The following ITGAM variants were observed in gnomAD, a reference collection of about 807,000 sequenced individuals.
The protein encoded by ITGAM is integrin subunit alpha M, also known as integrin alpha-M.
A neutral mutation model predicts 137.5 loss-of-function variants in ITGAM; 79 were observed. That is an observed-to-expected ratio of 0.57 (90% CI 0.48 to 0.69). The LOEUF (loss-of-function observed/expected upper bound fraction) is 0.69, where lower values mean the gene tolerates loss of function less well. Ranked by LOEUF, ITGAM falls within the 30% of genes least tolerant of loss-of-function variation. The pLI, the probability that ITGAM is intolerant of heterozygous loss-of-function variation, is 0.00. For synonymous variants in ITGAM, 583 were observed against 592.3 expected (o/e 0.98, Z 0.23); for missense variants, 1,343 against 1,483.5 (o/e 0.91, Z 1.56).
chr16:31,274,941 C>T (rs559791689), intron 8 of ITGAM, among the ~76,000 whole-genome samples: 15 of 152,242 alleles, frequency 9.9e-5, no homozygotes, highest in African/African-American at 2.2e-4. Context: ...TTGTTTAAAA[C>T]GACCTTATCC....
At chr16:31,313,437 T>A (rs528766642) in intron 14 of ITGAM, among the ~76,000 whole-genome samples, 1 of 152,214 alleles carries the variant, frequency 6.6e-6, no homozygotes, top group African/African-American at 2.4e-5. Context: ...GTCCATGTAT[T>A]CTCATTGTTC....
At chr16:31,315,752 C>T (rs185290191) in intron 14 of ITGAM, among the ~76,000 whole-genome samples, 21 of 152,210 alleles carry the variant, frequency 1.4e-4, no homozygotes, top group Middle Eastern at 3.4e-3. Context: ...AGCCACTGCA[C>T]CCGGCCCAGC....
chr16:31,272,255 T>C (rs8061729), intron 7 of ITGAM, among the ~76,000 whole-genome samples: 59,144 of 149,754 alleles, frequency 0.39, 15,851 homozygotes, highest in African/African-American at 0.77. Flanking sequence ...CTTTACAGCC[T>C]GTGGTGAGAT....
Position 31,325,279 on chromosome 16 carries a change from G to A in ITGAM, c.2380G>A (p.Val794Met). ...TTCCCACAGCCTGGACTGCCTCGTG[G>A]TGGGTGGGCCCCGGGAGTTCAACGT... is the stretch of plus-strand genomic sequence containing the variant. The part of the protein sequence containing the change: ...FSFMSLDCLV[V>M]GGPREFNVTV... Residue 794 changes from valine to methionine, a missense_variant, in exon 20 of 30, where the codon GTG becomes ATG. Physicochemically the swap from Val to Met is conservative, Grantham distance 21. Transcript: ENST00000544665. The A allele has an allele frequency of 6.2e-7, 1 of 1,613,032 alleles. No homozygotes were observed. The highest frequency in any genetic ancestry group is 1.3e-5 in the African/African-American group (1 of 75,032).
chr16:31,326,608 G>A (rs918238383), intron 21 of ITGAM, among the ~76,000 whole-genome samples: 7 of 152,068 alleles, frequency 4.6e-5, no homozygotes, highest in Non-Finnish European at 8.8e-5. Flanking sequence ...GTAGATACAG[G>A]GTTTTGCCAT....
intron 14 of ITGAM, among the ~76,000 whole-genome samples, chr16:31,302,471 CTTTCTTTCTTTCT>C (rs1282124974): frequency 0.01 from 921 of 88,552 alleles, 28 homozygotes; most frequent in African/African-American, 0.066. Context: ...TTCTTTCTTT[CTTTCTTTCTTTCT>C]TTTTTCTTTC....
chr16:31,276,742 T>G lies in ITGAM; in HGVS notation c.1081T>G (p.Ser361Ala). 1 of 1,609,368 alleles carries G rather than the reference T, an allele frequency of 6.2e-7. No homozygotes were observed. The stretch of plus-strand genomic sequence containing the variant: ...GGAAGGCTTCAGCGCTGCCATCACC[T>G]CTGTAAGTGGCCCTTCATTAAATTG... ...SQEGFSAAIT[S>A]NGPLLSTVGS... The change falls in exon 10 of 30, where the codon TCT becomes GCT. Residue 361 changes from serine to alanine, a missense_variant and splice_region_variant. Coordinates refer to ENST00000544665, the MANE Select transcript of ITGAM (RefSeq NM_000632.4).
chr16:31,267,065 A>G (rs376051140), intron 5 of ITGAM, among the ~76,000 whole-genome samples: 2 of 151,868 alleles, frequency 1.3e-5, no homozygotes, highest in African/African-American at 4.8e-5. Flanking sequence ...ACGGGGTTTC[A>G]CCATGTTGGC....
chr16:31,316,614 T>C lies in ITGAM; in HGVS notation c.1708-4627T>C, dbSNP rs116095765. Among the ~76,000 whole-genome samples, 534 of 152,288 alleles carry C rather than the reference T, an allele frequency of 3.5e-3. 6 individuals carry two copies. The highest frequency in any genetic ancestry group is 0.012 in the African/African-American group (508 of 41,560). ...ATATTTGAGGTCTTTTGTGACTTCA[T>C]ATTAATTTTAGTATTGTTTTTTCTA... is the stretch of plus-strand genomic sequence containing the variant. On this transcript the variant is annotated intron_variant, in intron 14 of 29. Coordinates refer to ENST00000544665, the MANE Select transcript of ITGAM (RefSeq NM_000632.4).
chr16:31,318,656 TTCTA>T (rs1404607807), intron 14 of ITGAM, among the ~76,000 whole-genome samples: 4 of 152,210 alleles, frequency 2.6e-5, no homozygotes, highest in African/African-American at 9.6e-5. Flanking sequence ...AGCTTGTCAA[TTCTA>T]TCTTTTTGAA....
In ITGAM at chr16:31,324,809, G is replaced by T. The variant is rs991753356; in HGVS notation, c.2289+27G>T. ...TGAGTCCAGAGTTGGGGTCCTGCAG[G>T]GGTGTGGAAGAGACCAGAGACCAAG... On this transcript the variant is annotated intron_variant, in intron 18 of 29. Transcript: ENST00000544665. This position sits in a 1 kb window ranked among gnomAD's most constrained non-coding sequence, Gnocchi z 4.5. 1 of 1,548,776 alleles carries T rather than the reference G, an allele frequency of 6.5e-7. No individual in the cohort carries two copies. Among genetic ancestry groups the T allele is most frequent in the South Asian group, 1.3e-5 (1 of 78,576 alleles).
intron 14 of ITGAM, among the ~76,000 whole-genome samples, chr16:31,315,249 T>C (rs1256552431): frequency 6.6e-6 from 1 of 152,226 alleles, no homozygotes; most frequent in East Asian, 1.9e-4. Flanking sequence ...TTCACTCTGT[T>C]AATTATTCCT....
At chr16:31,276,340 A>AT (rs921236062) in intron 9 of ITGAM, among the ~76,000 whole-genome samples, 9 of 149,404 alleles carry the variant, frequency 6.0e-5, no homozygotes, top group East Asian at 2.0e-4. Context: ...TTTTCTTTCT[A>AT]TTTTTTTTTG....
intron 12 of ITGAM, among the ~76,000 whole-genome samples, chr16:31,279,215 T>C (rs1320985256): frequency 6.6e-6 from 1 of 152,220 alleles, no homozygotes; most frequent in African/African-American, 2.4e-5. Context: ...CGTGTGCCTT[T>C]ATAGCAGCAT....
chr16:31,274,604 T>TTATA (rs1567251551), intron 8 of ITGAM, among the ~76,000 whole-genome samples: 446 of 135,126 alleles, frequency 3.3e-3, no homozygotes, highest in African/African-American at 0.015. Flanking sequence ...TTTATTTTAT[T>TTATA]TATTTATATT....
intron 2 of ITGAM, among the ~76,000 whole-genome samples, chr16:31,262,337 A>ATCCT (rs71151462): frequency 0.029 from 2,599 of 88,880 alleles, 65 homozygotes; most frequent in East Asian, 0.063. Context: ...CCTCCCTTCC[A>ATCCT]TCCTTCCTTC....
In ITGAM at chr16:31,271,075, CA is replaced by C; in HGVS notation, c.553del (p.Thr185ProfsTer5). ...CTGTGATGGAGCAATTAAAAAAGTC[CA>C]AAACCTTGGTGAGGGCCCAGGGGTA... ...STVMEQLKKSKTLFSLMQYSE... is the reference protein window; with the variant it reads ...STVMEQLKKSXTLFSLMQYSE... On this transcript the variant is annotated frameshift_variant, in exon 6 of 30. Transcript: ENST00000544665. LOFTEE classifies it high-confidence loss of function. 1 of 1,567,992 alleles carries C rather than the reference CA, an allele frequency of 6.4e-7. No homozygotes were observed. Among genetic ancestry groups the C allele is most frequent in the African/African-American group, 1.4e-5 (1 of 73,720 alleles).
intron 14 of ITGAM, among the ~76,000 whole-genome samples, chr16:31,305,666 T>C (rs901713934): frequency 1.3e-5 from 2 of 152,164 alleles, no homozygotes; most frequent in African/African-American, 4.8e-5. Context: ...CTTTTTTTAA[T>C]CATAAAGGGA....
rs773987124 is a variant in ITGAM at position 31,325,636 on chromosome 16, G to T, written c.2628+14G>T. 2 of 1,609,696 alleles carry T rather than the reference G, an allele frequency of 1.2e-6. No individual in the cohort carries two copies. Among genetic ancestry groups the T allele is most frequent in the African/African-American group, 1.3e-5 (1 of 74,736 alleles). ...GAAAACTCAGAGGTCAGAACTCCTG[G>T]CTCCTCCCCTCCTTTTCTCTTTGAT... On this transcript the variant is annotated intron_variant, in intron 21 of 29. Transcript: ENST00000544665.
Sources: allele counts gnomAD v4.1 joint callset (sites outside exome capture counted in the v4.1 genomes callset), GRCh38; gene constraint gnomAD v4.1.1; non-coding constraint Gnocchi (gnomAD v3.1); transcripts MANE v1.5; gene names NCBI Gene and HGNC (gene_info 2026-07-23, HGNC 2026-07-21).